The following AIM2 variants were observed in gnomAD, a reference collection of about 807,000 sequenced individuals.
AIM2 encodes absent in melanoma 2, also known as interferon-inducible protein AIM2.
AIM2 carries 30 observed loss-of-function variants against 27.7 expected under a neutral mutation model. That is an observed-to-expected ratio of 1.08 (90% CI 0.81 to 1.47). The LOEUF (loss-of-function observed/expected upper bound fraction) is 1.47, where lower values mean the gene tolerates loss of function less well. Among genes scored for constraint, AIM2 ranks in the 40% most tolerant of loss-of-function variants. The pLI is 0.00. For missense variants in AIM2, 358 were observed against 411.3 expected, an observed-to-expected ratio of 0.87 and a Z score of 1.12; for synonymous variants, 141 against 145.3, an observed-to-expected ratio of 0.97 and a Z score of 0.21.
chr1:159,146,109 A>G (rs1648197521), intron 1 of AIM2, among the ~76,000 whole-genome samples: 1 of 146,820 alleles, frequency 6.8e-6, no homozygotes, highest in African/African-American at 2.5e-5. Flanking sequence ...TGTCCCCTCA[A>G]AAAAAAAAAA....
intron 1 of AIM2, among the ~76,000 whole-genome samples, chr1:159,110,968 C>A (rs140480290): frequency 6.6e-6 from 1 of 152,004 alleles, no homozygotes; most frequent in Non-Finnish European, 1.5e-5. Flanking sequence ...ATTATACTTA[C>A]GCTAATGTGC....
chr1:159,080,177 C>A (rs571043083), upstream of AIM2, among the ~76,000 whole-genome samples: 1 of 152,234 alleles, frequency 6.6e-6, no homozygotes, highest in South Asian at 2.1e-4. Context: ...CTTAATTTTT[C>A]AACTTTGGGT....
chr1:159,091,498 A>C (rs1280869769), intron 1 of AIM2, among the ~76,000 whole-genome samples: 4 of 152,248 alleles, frequency 2.6e-5, no homozygotes, highest in Non-Finnish European at 4.4e-5. Flanking sequence ...TTCACAAGTT[A>C]CAAGACTATC....
downstream of AIM2, chr1:159,062,423 G>T: frequency 5.8e-6 from 3 of 514,570 alleles, no homozygotes; most frequent in Non-Finnish European, 6.9e-6. Flanking sequence ...ATAATACATT[G>T]ATAAAGTATT....
intron 1 of AIM2, among the ~76,000 whole-genome samples, chr1:159,128,553 C>T (rs929916799): frequency 1.1e-4 from 16 of 152,222 alleles, no homozygotes; most frequent in East Asian, 3.9e-4. Flanking sequence ...GTCCTCTATC[C>T]GACTTCTTCA....
At chr1:159,126,257 T>A (rs1440096061) in intron 1 of AIM2, among the ~76,000 whole-genome samples, 2 of 152,228 alleles carry the variant, frequency 1.3e-5, no homozygotes, top group African/African-American at 4.8e-5. Flanking sequence ...ACCCATTTCC[T>A]GCACTGTGGC....
intron 1 of AIM2, among the ~76,000 whole-genome samples, chr1:159,095,222 T>C (rs1003524905): frequency 6.6e-6 from 1 of 152,198 alleles, no homozygotes; most frequent in Non-Finnish European, 1.5e-5. Context: ...TTATAGTCAG[T>C]CTAAATCAAA....
chr1:159,083,939 T>C (rs1306853887), intron 1 of AIM2, among the ~76,000 whole-genome samples: 1 of 152,216 alleles, frequency 6.6e-6, no homozygotes, highest in African/African-American at 2.4e-5. Flanking sequence ...TATTGATGCA[T>C]TCTCTAGAGT....
At chr1:159,062,785 T>A in intron 5 of AIM2, 67 bp from the exon 6 acceptor site, 1 of 1,420,972 alleles carries the variant, frequency 7.0e-7, no homozygotes, top group South Asian at 1.2e-5. Flanking sequence ...CTGTTTGCAG[T>A]CACTATGGCC....
upstream of AIM2, chr1:159,081,643 C>T (rs1478406254): frequency 3.4e-6 from 1 of 297,726 alleles, no homozygotes; most frequent in African/African-American, 2.3e-5. Context: ...CTTGGTAACA[C>T]ATTCAAAGTG....
intron 1 of AIM2, among the ~76,000 whole-genome samples, chr1:159,088,759 A>G (rs1336481677): frequency 6.6e-6 from 1 of 152,160 alleles, no homozygotes; most frequent in Admixed American, 6.5e-5. Flanking sequence ...GACCTGAGCT[A>G]GCTCACTAAG....
At position 159,084,818 on chromosome 1, in the gene AIM2, CAG is replaced by C. The variant is rs373714057; in HGVS notation, c.-15-18491_-15-18490del. ...ACACACACACACACACACACACATA[CAG>C]ACACACACACACATCCCTCAGAGAT... On this transcript the variant is annotated intron_variant, in intron 1 of 2. Transcript: ENST00000368129. Among the ~76,000 whole-genome samples, 33 of 140,662 alleles carry C rather than the reference CAG, an allele frequency of 2.3e-4. No individual in the cohort carries two copies. The Middle Eastern group carries it at 0.011, about 47-fold the overall frequency. 92.3% of individuals were successfully genotyped at this position (140,662 alleles called of 152,430 possible).
intron 1 of AIM2, among the ~76,000 whole-genome samples, chr1:159,138,292 G>A (rs1648048829): frequency 6.6e-6 from 1 of 152,078 alleles, no homozygotes; most frequent in Non-Finnish European, 1.5e-5. Flanking sequence ...TTCCAATCAG[G>A]CTGGTGCCCA....
chr1:159,066,243 T>G lies in AIM2; in HGVS notation c.483A>C (p.Ala161=). The G allele has an allele frequency of 6.2e-7, 1 of 1,614,208 alleles. No homozygotes were observed. The highest frequency in any genetic ancestry group is 8.5e-7 in the Non-Finnish European group (1 of 1,180,028). ...GGGTCTCAAACGTGAAGGGCTTCTT[T>G]GCTTTCAGTACCATAACTGGCAAAC... is the stretch of plus-strand genomic sequence containing the variant. ...KRCLPVMVLK[A]KKPFTFETQE... is the part of the protein sequence containing the mutation. The change falls in exon 4 of 6, where the codon GCA becomes GCC. Residue 161 remains alanine, a synonymous_variant. Transcript: ENST00000368130.
At chr1:159,122,930 A>G (rs1394847472) in intron 1 of AIM2, among the ~76,000 whole-genome samples, 1 of 152,098 alleles carries the variant, frequency 6.6e-6, no homozygotes, top group Non-Finnish European at 1.5e-5. Context: ...GTTTTTGATA[A>G]CATTTGCATC....
Position 159,127,857 on chromosome 1 carries a change from T to C in AIM2, c.-16+12574A>G, listed in dbSNP as rs551753306. On this transcript the variant is annotated intron_variant, in intron 1 of 2. Transcript: ENST00000368129. ...ATAAACCACCAGGTCTGTGGCACTT[T>C]GTTGTAGCAGCCCTTTCCCTGGAGT... Among the ~76,000 whole-genome samples, 8 of 152,330 alleles carry C rather than the reference T, an allele frequency of 5.3e-5. No individual in the cohort carries two copies. In the East Asian group the frequency reaches 1.4e-3, roughly 26 times the overall value.
upstream of AIM2, among the ~76,000 whole-genome samples, chr1:159,142,231 C>T (rs1038691691): frequency 6.6e-6 from 1 of 152,174 alleles, no homozygotes; most frequent in Non-Finnish European, 1.5e-5. Flanking sequence ...TTCTAAGAGA[C>T]TGGTCTGGTT....
intron 1 of AIM2, among the ~76,000 whole-genome samples, chr1:159,097,495 C>G (rs778442643): frequency 1.9e-4 from 29 of 152,148 alleles, no homozygotes; most frequent in African/African-American, 6.5e-4. Context: ...TAATGAAGAG[C>G]AGAATTATGC....
At chr1:159,146,804 T>A (rs1648216059) in intron 1 of AIM2, among the ~76,000 whole-genome samples, 1 of 152,164 alleles carries the variant, frequency 6.6e-6, no homozygotes, top group Non-Finnish European at 1.5e-5. Context: ...TAAAATCTAC[T>A]GCTTGGACTT....
Sources: gnomAD v4.1 joint callset for allele counts (sites outside exome capture counted in the v4.1 genomes callset) on GRCh38, gnomAD v4.1.1 for gene constraint, MANE v1.5 for transcripts, NCBI Gene and HGNC (gene_info 2026-07-23, HGNC 2026-07-21) for gene names.